Variants in ENDOU observed in about 807,000 individuals in gnomAD.
ENDOU encodes the protein endonuclease, poly(U) specific.
ENDOU carries 49 observed loss-of-function variants against 54.2 expected under a neutral mutation model. That is an observed-to-expected ratio of 0.90 (90% confidence interval 0.72 to 1.15). The LOEUF (loss-of-function observed/expected upper bound fraction) is 1.15, where lower values mean the gene tolerates loss of function less well. Among genes scored for constraint, ENDOU ranks in the 50% most tolerant of loss-of-function variants. ENDOU has a pLI of 0.00. For missense variants in ENDOU, 458 were observed against 511.4 expected (o/e 0.90, Z 1.01); for synonymous variants, 172 against 190.5 (o/e 0.90, Z 0.80).
In ENDOU at chr12:47,711,734, C is replaced by A. The variant is rs1470061329; in HGVS notation, c.1014G>T (p.Trp338Cys). ...AGCCCACTTCCTTATAGTAGCCGTCCCAGTTGAACTGCATTGCCAGCACAT... is the reference window on the plus strand; with the variant it reads ...AGCCCACTTCCTTATAGTAGCCGTCACAGTTGAACTGCATTGCCAGCACAT... ...YPDVLAMQFN[W>C]DGYYKEVGSA... Residue 338 changes from tryptophan (W) to cysteine (C), a missense_variant, in exon 9 of 10, where the codon TGG becomes TGT. Transcript: ENST00000422538. 4.3e-6 allele frequency: 7 copies of A among 1,614,082 alleles called. No homozygotes were observed. The highest frequency in any genetic ancestry group is 1.3e-5 in the African/African-American group (1 of 74,940).
chr12:47,717,646 G>A lies in ENDOU; in HGVS notation c.254C>T (p.Ser85Leu), dbSNP rs142303348. 418 of 1,613,896 alleles carry A rather than the reference G, an allele frequency of 2.6e-4. No individual in the cohort carries two copies. The highest frequency in any genetic ancestry group is 3.3e-4 in the Non-Finnish European group (387 of 1,179,996). The change falls in exon 4 of 10, where the codon TCG (serine) becomes TTG (leucine). Residue 85 changes from serine (S) to leucine (L), a missense_variant. Transcript: ENST00000422538. ...TEEALASNLYSAPTSCQGRCY... is the reference protein window; with the variant it reads ...TEEALASNLYLAPTSCQGRCY... ...GCGGCCCTGGCAGGAGGTGGGTGCC[G>A]AGTACAAGTCTGAGAAGAGAGGGGT...
rs187595330 is a variant in ENDOU at position 47,716,860 on chromosome 12, G to C, written c.551+30C>G. 6.5e-5 allele frequency: 105 copies of C among 1,611,686 alleles called. No individual in the cohort carries two copies. In the East Asian group the frequency reaches 2.1e-3, roughly 31 times the overall value. ...AAGCAAGGATAGGGGCAAGATTTAG[G>C]GGGTAGAAAGAGGAATTGTGGGAAC... On this transcript the variant is annotated intron_variant, in intron 5 of 9. Coordinates refer to ENST00000422538, the MANE Select transcript of ENDOU (RefSeq NM_001172439.2).
intron 7 of ENDOU, 135 bp downstream of exon 7, chr12:47,713,140 G>T: frequency 1.5e-6 from 1 of 657,128 alleles, no homozygotes. Flanking sequence ...CATATGGGCA[G>T]GGGAGAGTGC....
intron 9 of ENDOU, among the ~76,000 whole-genome samples, chr12:47,711,413 GA>G: frequency 6.6e-6 from 1 of 152,296 alleles, no homozygotes; most frequent in Middle Eastern, 3.4e-3. Flanking sequence ...CACTTTGGGG[GA>G]ATGAGGGGAG....
At chr12:47,713,747 G>GC (rs796520139) in intron 6 of ENDOU, among the ~76,000 whole-genome samples, 1 of 149,972 alleles carries the variant, frequency 6.7e-6, no homozygotes, top group African/African-American at 2.5e-5. Context: ...TGGCGGGGGG[G>GC]GGGGGTCTTC....
chr12:47,713,408 G>T lies in ENDOU; in HGVS notation c.752-20C>A. 1 of 1,587,634 alleles carries T rather than the reference G, an allele frequency of 6.3e-7. No homozygotes were observed. The highest frequency in any genetic ancestry group is 8.7e-7 in the Non-Finnish European group (1 of 1,155,982). On this transcript the variant is annotated intron_variant, in intron 6 of 9. Transcript: ENST00000422538. ...AGCGATCTGCAGAGGAACACAAAGGGTTTTGGAGAGGGGAGGCAGGGCCAG... is the reference window on the plus strand; with the variant it reads ...AGCGATCTGCAGAGGAACACAAAGGTTTTTGGAGAGGGGAGGCAGGGCCAG...
At chr12:47,714,645 G>A (rs535383372) in intron 6 of ENDOU, among the ~76,000 whole-genome samples, 14 of 152,226 alleles carry the variant, frequency 9.2e-5, no homozygotes, top group African/African-American at 1.9e-4. Flanking sequence ...CTGAGCAACC[G>A]GATGGGTTAT....
intron 1 of ENDOU, among the ~76,000 whole-genome samples, chr12:47,722,515 T>G (rs1940466708): frequency 6.6e-6 from 1 of 152,220 alleles, no homozygotes; most frequent in African/African-American, 2.4e-5. Flanking sequence ...AAGTGACACA[T>G]AGTAGTACCA....
rs533803833 is a variant in ENDOU, at chr12:47,717,575, G to A, written c.325C>T (p.Arg109Cys). 8.1e-6 allele frequency: 13 copies of A among 1,614,154 alleles called. No homozygotes were observed. Among genetic ancestry groups the A allele is most frequent in the South Asian group, 2.2e-5 (2 of 91,082 alleles). ...DKHHQCHCNA[R>C]CQEFGNCCKD... ...CAGCAGTTCCCAAACTCTTGGCAGC[G>A]GGCATTGCAGTGACATTGGTGGTGC... The change falls in exon 4 of 10, where the codon CGC (arginine) becomes TGC (cysteine). Residue 109 changes from arginine to cysteine, a missense_variant. By Grantham distance (180) the Arg-to-Cys change is radical. Coordinates refer to ENST00000422538, the MANE Select transcript of ENDOU (RefSeq NM_001172439.2).
At chr12:47,715,329 C>T (rs747205070) in intron 6 of ENDOU, among the ~76,000 whole-genome samples, 17 of 152,238 alleles carry the variant, frequency 1.1e-4, no homozygotes, top group Non-Finnish European at 2.4e-4. Context: ...GCCTTGGCAT[C>T]GGAACCCTGA....
intron 6 of ENDOU, among the ~76,000 whole-genome samples, chr12:47,714,600 AG>A (rs1472086989): frequency 6.6e-6 from 1 of 152,244 alleles, no homozygotes; most frequent in Non-Finnish European, 1.5e-5. Context: ...TTTGAGGTAA[AG>A]AGAACAATTA....
chr12:47,713,371 GC>G lies in ENDOU; in HGVS notation c.768del (p.Glu256AspfsTer8). 6.2e-7 allele frequency: 1 copy of G among 1,613,954 alleles called. No individual in the cohort carries two copies. The highest frequency in any genetic ancestry group is 1.3e-5 in the African/African-American group (1 of 75,040). On this transcript the variant is annotated frameshift_variant, in exon 7 of 10. Coordinates refer to ENST00000422538, the MANE Select transcript of ENDOU (RefSeq NM_001172439.2). LOFTEE classifies it high-confidence loss of function. ...FLHHQNRYGS[E>X]QEFVDDLKNM... ...TTCTTCAAGTCATCGACAAACTCTT[GC>G]TCTGAGCCATAGCGATCTGCAGAGG...
rs1180556294 is a variant in ENDOU at position 47,720,749 on chromosome 12, T to C, written c.178+4A>G. The C allele has an allele frequency of 6.5e-7, 1 of 1,535,942 alleles. No individual in the cohort carries two copies. On this transcript the variant is annotated splice_donor_region_variant and intron_variant, in intron 2 of 9. Transcript: ENST00000422538. Reference sequence around the variant, plus strand: ...ACATGCCTTCGTCTCACAAGGAGGCTCACCAGTACACAGATGTTCATAGTC... The same window carrying C: ...ACATGCCTTCGTCTCACAAGGAGGCCCACCAGTACACAGATGTTCATAGTC...
intron 9 of ENDOU, 102 bp downstream of exon 9, chr12:47,711,531 C>T: frequency 7.3e-7 from 1 of 1,379,044 alleles, no homozygotes; most frequent in Non-Finnish European, 9.8e-7. Context: ...TCCAAGCCCT[C>T]TCAGCCTCTT....
At chr12:47,722,597 C>T (rs1223780763) in intron 1 of ENDOU, among the ~76,000 whole-genome samples, 1 of 152,204 alleles carries the variant, frequency 6.6e-6, no homozygotes, top group East Asian at 1.9e-4. Flanking sequence ...AGTGTTCAGA[C>T]TGGCTGGAGC....
chr12:47,713,427 G>T, intron 6 of ENDOU, 39 bp from the exon 7 acceptor site: 1 of 1,479,268 alleles, frequency 6.8e-7, no homozygotes, highest in Non-Finnish European at 9.5e-7. Flanking sequence ...AGGGGAGGCA[G>T]GGCCAGGTCC....
intron 2 of ENDOU, 32 bp downstream of exon 2, chr12:47,720,721 T>A (rs1266988893): frequency 6.5e-7 from 1 of 1,534,462 alleles, no homozygotes; most frequent in South Asian, 1.2e-5. Context: ...TTAGACAGGC[T>A]GGACATGCCT....
intron 3 of ENDOU, chr12:47,717,922 C>T (rs1940312902): frequency 1.6e-6 from 1 of 616,936 alleles, no homozygotes; most frequent in Non-Finnish European, 2.8e-6. Flanking sequence ...GCCTCAGGCT[C>T]TCTTTCCTAG....
intron 1 of ENDOU, among the ~76,000 whole-genome samples, chr12:47,723,150 G>A (rs763668279): frequency 3.3e-5 from 5 of 152,144 alleles, no homozygotes; most frequent in Non-Finnish European, 7.3e-5. Context: ...TCAGCTGGAC[G>A]TGCAGGAGAG....
Sources: gnomAD v4.1 joint callset for allele counts (sites outside exome capture counted in the v4.1 genomes callset) on GRCh38, gnomAD v4.1.1 for gene constraint, MANE v1.5 for transcripts, NCBI Gene and HGNC (gene_info 2026-07-23, HGNC 2026-07-21) for gene names.